Variants in PTPRG observed in about 807,000 individuals in gnomAD.
PTPRG encodes receptor-type tyrosine-protein phosphatase gamma.
In PTPRG, 102 loss-of-function variants were observed where a neutral mutation model predicts 165.3. The ratio of observed to expected loss-of-function variants is 0.62; its 90% CI spans 0.53 to 0.73. The LOEUF is 0.73. Ranked by LOEUF, PTPRG falls within the 30% of genes least tolerant of loss-of-function variation. The pLI is 0.00. For synonymous variants in PTPRG, 675 were observed against 669.5 expected (o/e 1.01, Z -0.13); for missense variants, 1,866 against 1,861.4 (o/e 1.00, Z -0.05).
intron 4 of PTPRG, among the ~76,000 whole-genome samples, chr3:62,069,150 A>G (rs1369812253): frequency 6.6e-6 from 1 of 152,236 alleles, no homozygotes; most frequent in Admixed American, 6.5e-5. Flanking sequence ...AGTCATCAGG[A>G]CATATTGTAA....
chr3:62,020,836 G>T (rs2041671526), intron 4 of PTPRG, among the ~76,000 whole-genome samples: 1 of 101,414 alleles, frequency 9.9e-6, no homozygotes, highest in African/African-American at 4.8e-5. Context: ...CCATGCACAG[G>T]TTTTTTTTGT....
At chr3:62,024,809 G>C (rs2041770262) in intron 4 of PTPRG, among the ~76,000 whole-genome samples, 2 of 152,294 alleles carry the variant, frequency 1.3e-5, no homozygotes, top group Non-Finnish European at 1.5e-5. Context: ...CTTTAGACTT[G>C]ACTTCATAGT....
chr3:62,002,261 G>A (rs745464046), intron 3 of PTPRG, among the ~76,000 whole-genome samples: 1 of 152,176 alleles, frequency 6.6e-6, no homozygotes, highest in Admixed American at 6.5e-5. Context: ...TTTCATGCAG[G>A]ATTTCTCGCT....
At chr3:61,818,874 GAATAGTGAAATAGTGAATAGTGA>G (rs1244845661) in intron 2 of PTPRG, among the ~76,000 whole-genome samples, 4 of 90,606 alleles carry the variant, frequency 4.4e-5, no homozygotes, top group East Asian at 1.0e-3. Flanking sequence ...GTGAAATAGT[GAATAGTGAAATAGTGAATAGTGA>G]AATAGTGAAA....
chr3:61,614,957 G>C (rs1159026052), intron 1 of PTPRG, among the ~76,000 whole-genome samples: 2 of 152,130 alleles, frequency 1.3e-5, no homozygotes, highest in Non-Finnish European at 2.9e-5. Context: ...CCCAGCTTCT[G>C]AAAGAACCTA....
chr3:61,899,276 A>C (rs1365067198), intron 2 of PTPRG, among the ~76,000 whole-genome samples: 1 of 152,178 alleles, frequency 6.6e-6, no homozygotes, highest in Non-Finnish European at 1.5e-5. Flanking sequence ...TGTTAGTTAC[A>C]CATGGAATGG....
At chr3:62,199,678 C>G (rs563478122) in intron 10 of PTPRG, among the ~76,000 whole-genome samples, 1 of 152,244 alleles carries the variant, frequency 6.6e-6, no homozygotes, top group Admixed American at 6.5e-5. Context: ...ATAGCAGGTA[C>G]AAGTGTTATT....
chr3:61,870,358 C>T (rs1018079648), intron 2 of PTPRG, among the ~76,000 whole-genome samples: 19 of 149,102 alleles, frequency 1.3e-4, no homozygotes, highest in South Asian at 1.1e-3. Context: ...CTCTGTTGCC[C>T]AGGAGTGCAA....
At chr3:62,115,594 GAGTA>G (rs1398267505) in intron 5 of PTPRG, among the ~76,000 whole-genome samples, 1 of 151,430 alleles carries the variant, frequency 6.6e-6, no homozygotes, top group African/African-American at 2.4e-5. Flanking sequence ...TCAACTTATA[GAGTA>G]TAACTGTGTC....
chr3:61,573,822 A>C (rs1219250703), intron 1 of PTPRG, among the ~76,000 whole-genome samples: 2 of 152,210 alleles, frequency 1.3e-5, no homozygotes, highest in Non-Finnish European at 2.9e-5. Context: ...GAGATACACT[A>C]TCCAAGGTTA....
At position 62,213,748 on chromosome 3, in the gene PTPRG, A is replaced by G. The variant is rs1030943051; in HGVS notation, c.2156-5103A>G. 3.3e-5 allele frequency among the ~76,000 whole-genome samples: 5 copies of G among 152,114 alleles called. No homozygotes were observed. Among genetic ancestry groups the G allele is most frequent in the African/African-American group, 1.2e-4 (5 of 41,420 alleles). ...CCTAGGCATGGGGAAGTTTAGCCTC[A>G]TGGATTGTCGGTGTCTGAGGGCATA... On this transcript the variant is annotated intron_variant, in intron 12 of 29. Transcript: ENST00000474889. This position sits in a 1 kb window ranked among gnomAD's most constrained non-coding sequence, Gnocchi z 4.4.
intron 1 of PTPRG, among the ~76,000 whole-genome samples, chr3:61,681,108 C>T (rs1452804127): frequency 6.7e-6 from 1 of 150,086 alleles, no homozygotes; most frequent in Non-Finnish European, 1.5e-5. Flanking sequence ...CCAAACTTCC[C>T]TGGAGCCATT....
chr3:62,048,700 G>A (rs1700374003), intron 4 of PTPRG, among the ~76,000 whole-genome samples: 1 of 152,150 alleles, frequency 6.6e-6, no homozygotes, highest in South Asian at 2.1e-4. Context: ...GCAGACTATT[G>A]TCTTCAGAAA....
chr3:61,844,583 G>C (rs188938512), intron 2 of PTPRG, among the ~76,000 whole-genome samples: 3 of 151,834 alleles, frequency 2.0e-5, no homozygotes, highest in Non-Finnish European at 2.9e-5. Flanking sequence ...TCATAGCTTA[G>C]TGTAGCCTTG....
In PTPRG at chr3:61,638,931, T is replaced by C. The variant is rs556924016; in HGVS notation, c.85+76559T>C. Reference sequence around the variant, plus strand: ...CCTTTAGTTTAATTAGGTCCAGTTGTCTGTATTTGTTTTTATTGCAATTGC... The same window carrying C: ...CCTTTAGTTTAATTAGGTCCAGTTGCCTGTATTTGTTTTTATTGCAATTGC... On this transcript the variant is annotated intron_variant, in intron 1 of 29. Transcript: ENST00000474889. Among the ~76,000 whole-genome samples, 183 of 152,274 alleles carry C rather than the reference T, an allele frequency of 1.2e-3. 1 individual carries two copies. Among genetic ancestry groups the C allele is most frequent in the Non-Finnish European group, 1.4e-3 (93 of 68,018 alleles).
chr3:62,063,411 C>T (rs1362572694), intron 4 of PTPRG, among the ~76,000 whole-genome samples: 2 of 152,168 alleles, frequency 1.3e-5, no homozygotes, highest in Non-Finnish European at 2.9e-5. Context: ...ATCAGGAAGA[C>T]GTGCTTTGCT....
intron 27 of PTPRG, among the ~76,000 whole-genome samples, chr3:62,282,240 C>T (rs1702476458): frequency 6.6e-6 from 1 of 152,036 alleles, no homozygotes; most frequent in East Asian, 1.9e-4. Context: ...ACTAGCATGA[C>T]CTACTTGGTT....
chr3:62,187,316 C>CA (rs1354572737), intron 8 of PTPRG, among the ~76,000 whole-genome samples: 1 of 152,122 alleles, frequency 6.6e-6, no homozygotes, highest in East Asian at 1.9e-4. Context: ...AATTGTGTTT[C>CA]AAAAAAAGGC....
At chr3:61,565,235 T>C (rs963448511) in intron 1 of PTPRG, among the ~76,000 whole-genome samples, 3 of 152,192 alleles carry the variant, frequency 2.0e-5, no homozygotes, top group African/African-American at 7.2e-5. Flanking sequence ...AACAGCAGTG[T>C]GGCAGGTTTG....
Sources: gnomAD v4.1 joint callset for allele counts (sites outside exome capture counted in the v4.1 genomes callset) on GRCh38, gnomAD v4.1.1 for gene constraint, Gnocchi (gnomAD v3.1) non-coding constraint, MANE v1.5 for transcripts, NCBI Gene and HGNC (gene_info 2026-07-23, HGNC 2026-07-21) for gene names.